INSC: variants seen among roughly 807,000 people sequenced by gnomAD.
INSC encodes the protein protein inscuteable homolog.
A neutral mutation model predicts 58.6 loss-of-function variants in INSC; 67 were observed. The ratio of observed to expected loss-of-function variants is 1.14; its 90% confidence interval spans 0.94 to 1.40. INSC has a LOEUF of 1.40. Ranked by LOEUF, INSC falls within the 40% of genes most tolerant of loss-of-function variation. The pLI is 0.00. For synonymous variants in INSC, 262 were observed against 276.1 expected (o/e 0.95, Z 0.51); for missense variants, 714 against 692.0 (o/e 1.03, Z -0.36).
chr11:15,221,032 C>T (rs540297507), intron 7 of INSC, among the ~76,000 whole-genome samples: 1 of 152,322 alleles, frequency 6.6e-6, no homozygotes, highest in South Asian at 2.1e-4. Flanking sequence ...TCTCTTCAAT[C>T]CCACAACACC....
intron 2 of INSC, among the ~76,000 whole-genome samples, chr11:15,150,263 G>C (rs1297760918): frequency 6.6e-6 from 1 of 152,196 alleles, no homozygotes; most frequent in Non-Finnish European, 1.5e-5. Flanking sequence ...GTAGTTACAG[G>C]ATGTCAGAAG....
intron 1 of INSC, among the ~76,000 whole-genome samples, chr11:15,139,987 C>T (rs575119945): frequency 2.0e-4 from 30 of 152,320 alleles, no homozygotes; most frequent in Middle Eastern, 6.8e-3. Flanking sequence ...CAACCAGAGC[C>T]CCAGAGCCAG....
intron 1 of INSC, among the ~76,000 whole-genome samples, chr11:15,118,336 T>A (rs1194450548): frequency 6.6e-6 from 1 of 152,164 alleles, no homozygotes; most frequent in Non-Finnish European, 1.5e-5. Context: ...AAACTTCTAA[T>A]TCACTCCAAG....
chr11:15,126,741 G>A (rs991208893), intron 1 of INSC, among the ~76,000 whole-genome samples: 1 of 152,126 alleles, frequency 6.6e-6, no homozygotes, highest in Non-Finnish European at 1.5e-5. Context: ...GAAGAAAATT[G>A]TTCTGTTCAT....
the INSC span, among the ~76,000 whole-genome samples, chr11:15,252,652 GA>G: frequency 6.6e-6 from 1 of 152,172 alleles, no homozygotes; most frequent in Admixed American, 6.5e-5. Flanking sequence ...GCTAGTCTTA[GA>G]AGTCACTTAG....
intron 9 of INSC, among the ~76,000 whole-genome samples, chr11:15,230,231 T>G (rs1330318275): frequency 1.3e-5 from 2 of 150,668 alleles, no homozygotes; most frequent in Non-Finnish European, 3.0e-5. Context: ...CTGGGTAATT[T>G]GTAAAGAAAA....
upstream of INSC, among the ~76,000 whole-genome samples, chr11:15,111,895 TC>T (rs1223475300): frequency 6.6e-6 from 1 of 152,182 alleles, no homozygotes; most frequent in Non-Finnish European, 1.5e-5. Flanking sequence ...CTCAGTTTCT[TC>T]ATGTGTAAAA....
intron 9 of INSC, among the ~76,000 whole-genome samples, chr11:15,230,012 TA>T (rs57205488): frequency 0.03 from 765 of 25,630 alleles, 21 homozygotes; most frequent in Non-Finnish European, 0.036. Flanking sequence ...TATATATATA[TA>T]ATATATATAT....
At chr11:15,148,474 A>C (rs1344856270) in intron 1 of INSC, among the ~76,000 whole-genome samples, 1 of 152,228 alleles carries the variant, frequency 6.6e-6, no homozygotes, top group Non-Finnish European at 1.5e-5. Context: ...CTCATCTTGC[A>C]ACTCTCTGTT....
intron 1 of INSC, among the ~76,000 whole-genome samples, chr11:15,117,350 G>T (rs1847755998): frequency 6.6e-6 from 1 of 152,070 alleles, no homozygotes; most frequent in African/African-American, 2.4e-5. Flanking sequence ...ACCATTTTTT[G>T]AGGGGAATGC....
chr11:15,219,491 A>G (rs908821947), intron 7 of INSC, among the ~76,000 whole-genome samples: 9 of 152,068 alleles, frequency 5.9e-5, no homozygotes, highest in Non-Finnish European at 7.4e-5. Context: ...GTTTTATTCA[A>G]TGGGGTTTCA....
At chr11:15,112,366 G>A, upstream of INSC, 1 of 950,694 alleles carries the variant, frequency 1.1e-6, no homozygotes, top group Non-Finnish European at 1.6e-6. Context: ...TTGAGTCACA[G>A]GCCTTCTCAG....
chr11:15,213,845 G>T (rs1489069368), intron 7 of INSC, among the ~76,000 whole-genome samples: 1 of 152,116 alleles, frequency 6.6e-6, no homozygotes, highest in African/African-American at 2.4e-5. Flanking sequence ...TTGAGTGCTG[G>T]GATATATTAG....
intron 7 of INSC, among the ~76,000 whole-genome samples, chr11:15,215,709 C>T (rs1288194676): frequency 6.6e-6 from 1 of 152,144 alleles, no homozygotes; most frequent in East Asian, 1.9e-4. Flanking sequence ...CCCTGAGTGG[C>T]TCAAATCTGC....
chr11:15,241,519 T>G, intron 12 of INSC: 1 of 701,242 alleles, frequency 1.4e-6, no homozygotes, highest in South Asian at 1.5e-5. Flanking sequence ...ATACATTTTA[T>G]TCAATAAATG....
At chr11:15,212,467 T>G (rs1177528062) in intron 7 of INSC, among the ~76,000 whole-genome samples, 1 of 152,228 alleles carries the variant, frequency 6.6e-6, no homozygotes, top group African/African-American at 2.4e-5. Flanking sequence ...ATTGACATCT[T>G]AAACAATGTG....
chr11:15,221,341 T>C, intron 7 of INSC, 136 bp from the exon 8 acceptor site: 1 of 963,598 alleles, frequency 1.0e-6, no homozygotes, highest in Non-Finnish European at 1.5e-6. Context: ...TGGTTCCACA[T>C]GGGGTCCTGG....
At chr11:15,235,488 GA>G in intron 9 of INSC, 113 bp from the exon 10 acceptor site, 1 of 804,778 alleles carries the variant, frequency 1.2e-6, no homozygotes. Context: ...CGGTGGACAG[GA>G]AGGAGTCACG....
chr11:15,225,136 G>A (rs1450960215), intron 8 of INSC, among the ~76,000 whole-genome samples: 1 of 152,098 alleles, frequency 6.6e-6, no homozygotes, highest in Non-Finnish European at 1.5e-5. Context: ...GTATTTTTAT[G>A]ACTGGCCCCT....
Sources: allele counts gnomAD v4.1 joint callset (sites outside exome capture counted in the v4.1 genomes callset), GRCh38; gene constraint gnomAD v4.1.1; transcripts MANE v1.5; gene names NCBI Gene and HGNC (gene_info 2026-07-23, HGNC 2026-07-21).